SPECC1: variants seen among roughly 807,000 people sequenced by gnomAD.
SPECC1 encodes cytospin-B.
Under a neutral mutation model 104.1 loss-of-function variants are expected in SPECC1, and 62 were observed. That is an observed-to-expected ratio of 0.60 (90% confidence interval 0.49 to 0.74). The LOEUF (loss-of-function observed/expected upper bound fraction) is 0.74. Among genes scored for constraint, SPECC1 ranks in the 30% least tolerant of loss-of-function variants. SPECC1 has a pLI of 0.00. For missense variants in SPECC1, 1,306 were observed against 1,310.5 expected (o/e 1.00, Z 0.05); for synonymous variants, 513 against 501.6 (o/e 1.02, Z -0.30).
At chr17:20,225,784 T>A (rs1336593836) in intron 4 of SPECC1, among the ~76,000 whole-genome samples, 1 of 152,210 alleles carries the variant, frequency 6.6e-6, no homozygotes, top group Non-Finnish European at 1.5e-5. Flanking sequence ...GGATAGCAGT[T>A]CCATTTGGTG....
At chr17:20,159,365 G>A (rs1023236302) in intron 3 of SPECC1, among the ~76,000 whole-genome samples, 1 of 152,206 alleles carries the variant, frequency 6.6e-6, no homozygotes, top group Non-Finnish European at 1.5e-5. Context: ...ACCTGGTTAA[G>A]TTCTTTCTTG....
In SPECC1 at chr17:20,110,454, C is replaced by T. The variant is rs1037328229; in HGVS notation, c.175C>T (p.Leu59Phe). The change falls in exon 3 of 15, where the codon CTC (leucine) becomes TTC (phenylalanine). Residue 59 changes from leucine (L) to phenylalanine (F), a missense_variant. Coordinates refer to ENST00000395527, the MANE Select transcript of SPECC1 (RefSeq NM_001243439.2). ...RLKRASSEDTLNKPGSTAASG... is the reference protein window; with the variant it reads ...RLKRASSEDTFNKPGSTAASG... Reference sequence around the variant, plus strand: ...CAAGAGGGCCAGCAGTGAGGACACGCTCAACAAGCCAGGAAGTACCGCTGC... The same window carrying T: ...CAAGAGGGCCAGCAGTGAGGACACGTTCAACAAGCCAGGAAGTACCGCTGC... 1.2e-6 allele frequency: 2 copies of T among 1,613,810 alleles called. No individual in the cohort carries two copies. Among genetic ancestry groups the T allele is most frequent in the Non-Finnish European group, 1.7e-6 (2 of 1,179,822 alleles).
At chr17:20,218,174 T>TATA (rs1181776854) in intron 4 of SPECC1, among the ~76,000 whole-genome samples, 4 of 152,236 alleles carry the variant, frequency 2.6e-5, no homozygotes, top group Admixed American at 6.5e-5. Flanking sequence ...GTGTTGTATA[T>TATA]ATAATACATA....
At chr17:20,283,734 A>G (rs938162009) in intron 12 of SPECC1, among the ~76,000 whole-genome samples, 1 of 152,062 alleles carries the variant, frequency 6.6e-6, no homozygotes, top group Non-Finnish European at 1.5e-5. Flanking sequence ...CTACAGCTGC[A>G]TGCCACCACA....
rs572428066 is a variant in SPECC1 at position 20,042,849 on chromosome 17, G to A, written c.-22+33425G>A. ...AACCCATCACTGGGTTGTTCTGTGG[G>A]CCTCAAGGCACCTGGATAGTCTGCC... is the stretch of plus-strand genomic sequence containing the variant. On this transcript the variant is annotated intron_variant, in intron 1 of 14. Transcript: ENST00000395527. 2.6e-5 allele frequency among the ~76,000 whole-genome samples: 4 copies of A among 152,138 alleles called. No homozygotes were observed. The South Asian group carries it at 8.3e-4, about 32-fold the overall frequency.
chr17:20,168,541 TG>T (rs2033841100), intron 3 of SPECC1, among the ~76,000 whole-genome samples: 1 of 152,168 alleles, frequency 6.6e-6, no homozygotes, highest in Non-Finnish European at 1.5e-5. Context: ...GACAAAACAG[TG>T]GTGCCCATAC....
chr17:20,135,667 G>A, intron 3 of SPECC1, among the ~76,000 whole-genome samples: 1 of 152,122 alleles, frequency 6.6e-6, no homozygotes, highest in East Asian at 1.9e-4. Context: ...GCTCAGGCTG[G>A]TCTTGAACTC....
At chr17:20,100,037 G>T (rs879065957) in intron 2 of SPECC1, among the ~76,000 whole-genome samples, 1 of 152,106 alleles carries the variant, frequency 6.6e-6, no homozygotes, top group Non-Finnish European at 1.5e-5. Flanking sequence ...CAATGTAACT[G>T]CCGCATACAT....
chr17:20,299,315 C>T (rs1320040811), intron 13 of SPECC1, among the ~76,000 whole-genome samples: 1 of 151,726 alleles, frequency 6.6e-6, no homozygotes, highest in Non-Finnish European at 1.5e-5. Context: ...GCACTTTGGG[C>T]GGCTGAGACA....
In SPECC1 at chr17:20,103,048, A is replaced by G. The variant is rs140274060; in HGVS notation, c.147+6250A>G. Among the ~76,000 whole-genome samples the G allele has an allele frequency of 1.5e-3, 231 of 152,282 alleles. 2 individuals are homozygous for G. Among genetic ancestry groups the G allele is most frequent in the African/African-American group, 5.2e-3 (216 of 41,560 alleles). Reference sequence around the variant, plus strand: ...GTGATTTGCCCAAGGTCACACAGCTAAGCACTGGCAGAGCCAGGATTCAGA... The same window carrying G: ...GTGATTTGCCCAAGGTCACACAGCTGAGCACTGGCAGAGCCAGGATTCAGA... On this transcript the variant is annotated intron_variant, in intron 2 of 14. Transcript: ENST00000395527.
chr17:20,299,302 C>A (rs1272404611), intron 13 of SPECC1, among the ~76,000 whole-genome samples: 1 of 151,830 alleles, frequency 6.6e-6, no homozygotes, highest in Non-Finnish European at 1.5e-5. Flanking sequence ...ACTTGTAATC[C>A]CAGCACTTTG....
At chr17:20,229,463 G>A (rs557455792) in intron 5 of SPECC1, among the ~76,000 whole-genome samples, 3 of 152,182 alleles carry the variant, frequency 2.0e-5, no homozygotes, top group African/African-American at 2.4e-5. Context: ...CCAGGAGTTC[G>A]AGACCAGCCT....
At chr17:20,263,897 G>A (rs2040121122) in intron 12 of SPECC1, among the ~76,000 whole-genome samples, 1 of 152,308 alleles carries the variant, frequency 6.6e-6, no homozygotes, top group Non-Finnish European at 1.5e-5. Context: ...GTGTGTGTGT[G>A]TGTGTGTGTG....
intron 1 of SPECC1, among the ~76,000 whole-genome samples, chr17:20,079,930 C>G (rs148895480): frequency 6.6e-6 from 1 of 152,264 alleles, no homozygotes; most frequent in African/African-American, 2.4e-5. Flanking sequence ...CAGTCTCTCC[C>G]ATTCCATCCC....
chr17:20,043,177 A>C (rs1327858181), intron 1 of SPECC1, among the ~76,000 whole-genome samples: 4 of 152,154 alleles, frequency 2.6e-5, no homozygotes, highest in Non-Finnish European at 5.9e-5. Context: ...TTTGGCGAGA[A>C]GCTGTGTGGG....
intron 3 of SPECC1, among the ~76,000 whole-genome samples, chr17:20,168,604 A>T (rs558074835): frequency 2.1e-3 from 314 of 152,294 alleles, no homozygotes; most frequent in South Asian, 3.7e-3. Flanking sequence ...GTAAGATTTT[A>T]AAAAAATGGT....
chr17:20,110,491 T>G lies in SPECC1; in HGVS notation c.212T>G (p.Val71Gly). ...KPGSTAASGV[V>G]RLKKTATAGA... is the part of the protein sequence containing the mutation. The stretch of plus-strand genomic sequence containing the variant: ...GGAAGTACCGCTGCATCGGGGGTGG[T>G]TCGCCTGAAGAAGACCGCCACTGCC... Residue 71 changes from valine to glycine, a missense_variant, in exon 3 of 15, where the codon GTT (valine) becomes GGT (glycine). Val to Gly is a moderately radical substitution (Grantham distance 109). This residue lies in a region of SPECC1 where 1,177 missense variants were observed against 1,139.9 expected (regional missense o/e 1.03). Transcript: ENST00000395527. The G allele has an allele frequency of 6.2e-7, 1 of 1,613,872 alleles. No individual in the cohort carries two copies. Among genetic ancestry groups the G allele is most frequent in the South Asian group, 1.1e-5 (1 of 91,064 alleles).
rs11268344 is a variant in SPECC1, at chr17:20,051,133, T to TTTCTTTCCTTCTTTCCTTCTTTCC, written c.-22+41733_-22+41756dup. ...CTTTCTTTCTTTCTTTCTTTCTTTC[T>TTTCTTTCCTTCTTTCCTTCTTTCC]TTCTTTCCTTCTTTCCTTCTTTCCT... On this transcript the variant is annotated intron_variant, in intron 1 of 14. Transcript: ENST00000395527. 9.8e-4 allele frequency among the ~76,000 whole-genome samples: 40 copies of TTTCTTTCCTTCTTTCCTTCTTTCC among 40,898 alleles called. 1 individual carries two copies. Among genetic ancestry groups the TTTCTTTCCTTCTTTCCTTCTTTCC allele is most frequent in the Middle Eastern group, 0.014 (1 of 72 alleles). The allele number at this position is 40,898 out of a possible 152,430, so 26.8% of individuals were successfully genotyped here.
chr17:20,317,261 T>A lies in SPECC1; in HGVS notation c.*3196T>A, dbSNP rs959843813. 4 of 131,056 alleles carry A rather than the reference T, an allele frequency of 3.1e-5. No individual in the cohort carries two copies. The highest frequency in any genetic ancestry group is 3.2e-4 in the South Asian group (1 of 3,132). 8.1% of individuals were successfully genotyped at this position (131,056 alleles called of 1,614,324 possible). A position where few individuals can be genotyped will look rare whatever the true frequency, so the allele number is the denominator to read the frequency against. On this transcript the variant is annotated 3_prime_UTR_variant, in exon 15 of 15. Transcript: ENST00000395527. The stretch of plus-strand genomic sequence containing the variant: ...AAGACCTCTGACTCTATAAAAAAAT[T>A]TTTTTTTTTTTTTTTTTTTGAGAGA...
Sources: allele counts gnomAD v4.1 joint callset (sites outside exome capture counted in the v4.1 genomes callset), GRCh38; gene constraint gnomAD v4.1.1; regional missense constraint gnomAD v4.1.1; transcripts MANE v1.5; gene names NCBI Gene and HGNC (gene_info 2026-07-23, HGNC 2026-07-21).